The following CLSTN2 variants were observed in gnomAD, a reference collection of about 807,000 sequenced individuals.
CLSTN2 encodes calsyntenin-2.
CLSTN2 carries 48 observed loss-of-function variants against 101.2 expected under a neutral mutation model. That is an observed-to-expected ratio of 0.47 (90% confidence interval 0.38 to 0.60). The LOEUF is 0.60. CLSTN2 is among the 20% of genes least tolerant of loss of function. CLSTN2 has a pLI of 0.00. For synonymous variants in CLSTN2, 481 were observed against 463.6 expected, an observed-to-expected ratio of 1.04 and a Z score of -0.48; for missense variants, 1,160 against 1,238.2, an observed-to-expected ratio of 0.94 and a Z score of 0.95.
At chr3:140,057,745 G>A (rs1426229194) in intron 1 of CLSTN2, among the ~76,000 whole-genome samples, 1 of 152,042 alleles carries the variant, frequency 6.6e-6, no homozygotes, top group African/African-American at 2.4e-5. Context: ...AAAATGTAGG[G>A]CCCAATTATC....
chr3:139,935,657 G>A lies in CLSTN2; in HGVS notation c.109+174G>A, dbSNP rs1012897159. Among the ~76,000 whole-genome samples the A allele has an allele frequency of 2.6e-5, 4 of 152,196 alleles. No individual in the cohort carries two copies. Among genetic ancestry groups the A allele is most frequent in the African/African-American group, 9.6e-5 (4 of 41,458 alleles). On this transcript the variant is annotated intron_variant, in intron 1 of 16. Coordinates refer to ENST00000458420, the MANE Select transcript of CLSTN2 (RefSeq NM_022131.3). The surrounding 1 kb of genome is among the most constrained non-coding windows in gnomAD (Gnocchi z 5.5). ...TCAGTTCCCTGCGCAGCGGACCAGA[G>A]AGGTCCACCCGCGGACGTCAACTCA...
intron 1 of CLSTN2, among the ~76,000 whole-genome samples, chr3:139,964,661 G>C (rs1207713094): frequency 3.3e-5 from 5 of 152,148 alleles, no homozygotes; most frequent in Non-Finnish European, 5.9e-5. Flanking sequence ...ATGCCTTCTG[G>C]AGGGAGTGAG....
intron 2 of CLSTN2, among the ~76,000 whole-genome samples, chr3:140,383,772 G>C (rs1473673455): frequency 6.6e-6 from 1 of 152,172 alleles, no homozygotes; most frequent in African/African-American, 2.4e-5. Context: ...GTAAGAGGTA[G>C]CATAAGGGTA....
intron 2 of CLSTN2, among the ~76,000 whole-genome samples, chr3:140,393,637 A>G (rs978294736): frequency 1.3e-5 from 2 of 152,162 alleles, no homozygotes; most frequent in Admixed American, 1.3e-4. Context: ...TTCAATGTCT[A>G]TTATTTTCCT....
intron 2 of CLSTN2, 146 bp downstream of exon 2, chr3:140,176,219 T>C: frequency 3.5e-6 from 3 of 861,542 alleles, no homozygotes; most frequent in Non-Finnish European, 5.1e-6. Flanking sequence ...GCTGTATGCC[T>C]CTTATTTCTG....
intron 1 of CLSTN2, among the ~76,000 whole-genome samples, chr3:140,169,497 C>A (rs1011618395): frequency 6.6e-6 from 1 of 151,964 alleles, no homozygotes; most frequent in Admixed American, 6.6e-5. Context: ...ACCTACAGTA[C>A]AATGTGAATA....
chr3:139,964,819 T>C (rs1004051666), intron 1 of CLSTN2, among the ~76,000 whole-genome samples: 11 of 152,360 alleles, frequency 7.2e-5, no homozygotes, highest in African/African-American at 2.6e-4. Flanking sequence ...GCTGGTTGCA[T>C]GCAGTGCTAT....
intron 2 of CLSTN2, among the ~76,000 whole-genome samples, chr3:140,362,373 G>T (rs564090566): frequency 6.6e-6 from 1 of 151,948 alleles, no homozygotes; most frequent in Non-Finnish European, 1.5e-5. Flanking sequence ...CTAAAACACC[G>T]GAGAAAATCT....
intron 1 of CLSTN2, among the ~76,000 whole-genome samples, chr3:139,960,157 T>C (rs887175461): frequency 6.6e-6 from 1 of 152,192 alleles, no homozygotes. Flanking sequence ...CCAATTTCTT[T>C]AGTGTAAATG....
intron 8 of CLSTN2, among the ~76,000 whole-genome samples, chr3:140,473,924 A>AT (rs1933918503): frequency 6.6e-6 from 1 of 151,812 alleles, no homozygotes; most frequent in Non-Finnish European, 1.5e-5. Flanking sequence ...CGCCAGGCTA[A>AT]TTTTTTGTTT....
At chr3:140,290,893 T>C (rs1316964627) in intron 2 of CLSTN2, among the ~76,000 whole-genome samples, 1 of 152,150 alleles carries the variant, frequency 6.6e-6, no homozygotes, top group Non-Finnish European at 1.5e-5. Context: ...GGCTAATTTT[T>C]CACCTGATCT....
chr3:140,270,483 C>T (rs145422365), intron 2 of CLSTN2, among the ~76,000 whole-genome samples: 159 of 152,264 alleles, frequency 1.0e-3, no homozygotes, highest in African/African-American at 3.6e-3. Flanking sequence ...GAAGAATTTA[C>T]AAGCCTGAAA....
intron 2 of CLSTN2, among the ~76,000 whole-genome samples, chr3:140,277,119 G>A (rs751436790): frequency 6.6e-6 from 1 of 152,222 alleles, no homozygotes; most frequent in African/African-American, 2.4e-5. Context: ...AGTCATAGAT[G>A]CCTGGACAAC....
chr3:140,351,786 TG>T (rs2087609229), intron 2 of CLSTN2, among the ~76,000 whole-genome samples: 1 of 122,180 alleles, frequency 8.2e-6, no homozygotes, highest in Non-Finnish European at 1.9e-5. Flanking sequence ...ATTCAGGTTT[TG>T]TTTTGTTTTT....
rs902241190 is a variant in CLSTN2, at chr3:140,287,870, A to T, written c.232+111797A>T. Among the ~76,000 whole-genome samples the T allele has an allele frequency of 2.0e-5, 3 of 152,186 alleles. No homozygotes were observed. The South Asian group carries it at 6.2e-4, about 32-fold the overall frequency. ...TTTATTTTGTGTCTCTCAAAAATCA[A>T]TGCTCTATCTGAAAGCATGCCCCAG... On this transcript the variant is annotated intron_variant, in intron 2 of 16. Transcript: ENST00000458420.
chr3:140,164,057 A>C (rs2010092846), intron 1 of CLSTN2, among the ~76,000 whole-genome samples: 1 of 152,142 alleles, frequency 6.6e-6, no homozygotes, highest in African/African-American at 2.4e-5. Flanking sequence ...TTTAATGCAC[A>C]CTTCAGTCCA....
At chr3:140,238,232 T>C (rs1052722596) in intron 2 of CLSTN2, among the ~76,000 whole-genome samples, 1 of 152,192 alleles carries the variant, frequency 6.6e-6, no homozygotes, top group Non-Finnish European at 1.5e-5. Flanking sequence ...GTGACAGATA[T>C]TTGTATTGAA....
chr3:140,083,725 C>T (rs946640255), intron 1 of CLSTN2, among the ~76,000 whole-genome samples: 1 of 152,200 alleles, frequency 6.6e-6, no homozygotes, highest in African/African-American at 2.4e-5. Flanking sequence ...TTTTATCCCA[C>T]CTGTGCTGGG....
At chr3:140,019,593 A>C (rs141274481) in intron 1 of CLSTN2, among the ~76,000 whole-genome samples, 1 of 152,368 alleles carries the variant, frequency 6.6e-6, no homozygotes, top group East Asian at 1.9e-4. Flanking sequence ...TTTGTCAGAC[A>C]TATTTCCAGG....
Sources: gnomAD v4.1 joint callset for allele counts (sites outside exome capture counted in the v4.1 genomes callset) on GRCh38, gnomAD v4.1.1 for gene constraint, Gnocchi (gnomAD v3.1) non-coding constraint, MANE v1.5 for transcripts, NCBI Gene and HGNC (gene_info 2026-07-23, HGNC 2026-07-21) for gene names.